Variants in CNTN1 observed in about 807,000 individuals in gnomAD.
The protein encoded by CNTN1 is contactin 1.
CNTN1 carries 38 observed loss-of-function variants against 126.4 expected under a neutral mutation model. The observed-to-expected ratio is 0.30, with a 90% CI of 0.23 to 0.39. The LOEUF (loss-of-function observed/expected upper bound fraction) is 0.39, where lower values mean the gene tolerates loss of function less well. Ranked by LOEUF, CNTN1 falls within the 10% of genes least tolerant of loss-of-function variation. The pLI, the probability that CNTN1 is intolerant of heterozygous loss-of-function variation, is 1.00. For missense variants in CNTN1, 1,009 were observed against 1,248.4 expected (o/e 0.81, Z 2.89); for synonymous variants, 413 against 422.6 (o/e 0.98, Z 0.28).
intron 1 of CNTN1, among the ~76,000 whole-genome samples, chr12:40,852,005 G>A (rs2136619064): frequency 6.6e-6 from 1 of 152,230 alleles, no homozygotes; most frequent in South Asian, 2.1e-4. Flanking sequence ...TGAAGGCTAG[G>A]TGGTCTCAAC....
chr12:40,919,456 G>A (rs1307948150), intron 4 of CNTN1, among the ~76,000 whole-genome samples: 4 of 152,154 alleles, frequency 2.6e-5, no homozygotes, highest in African/African-American at 9.7e-5. Flanking sequence ...TCAACCAAAT[G>A]CCAGTGGATT....
intron 23 of CNTN1, among the ~76,000 whole-genome samples, chr12:41,042,340 G>A (rs928490534): frequency 4.5e-4 from 69 of 152,144 alleles, no homozygotes; most frequent in Non-Finnish European, 8.1e-4. Context: ...TTCCAACTGT[G>A]TGGTCAATTT....
At position 40,778,771 on chromosome 12, in the gene CNTN1, A is replaced by T. The variant is rs533149637; in HGVS notation, c.-77+86179A>T. The stretch of plus-strand genomic sequence containing the variant: ...CTACATAGAAAATATTTCCTATAAG[A>T]AATTGGCTCTCAACGACTGATTGTT... On this transcript the variant is annotated intron_variant, in intron 1 of 23. Coordinates refer to ENST00000551295, the MANE Select transcript of CNTN1 (RefSeq NM_001843.4). Among the ~76,000 whole-genome samples, 146 of 151,972 alleles carry T rather than the reference A, an allele frequency of 9.6e-4. 1 individual carries two copies. The highest frequency in any genetic ancestry group is 1.7e-3 in the Non-Finnish European group (114 of 67,834).
At chr12:41,022,383 T>C (rs766148994) in intron 20 of CNTN1, among the ~76,000 whole-genome samples, 2 of 152,202 alleles carry the variant, frequency 1.3e-5, no homozygotes, top group South Asian at 2.1e-4. Flanking sequence ...TAAAAACTTA[T>C]GCACTTTGCT....
At chr12:41,016,600 CGT>C in intron 18 of CNTN1, 80 bp from the exon 19 acceptor site, 1 of 868,668 alleles carries the variant, frequency 1.2e-6, no homozygotes, top group South Asian at 1.4e-5. Flanking sequence ...AGCACGCCTC[CGT>C]GTGTGTCATT....
chr12:40,795,376 G>A (rs1415037192), intron 1 of CNTN1, among the ~76,000 whole-genome samples: 1 of 146,726 alleles, frequency 6.8e-6, no homozygotes, highest in Non-Finnish European at 1.5e-5. Context: ...GAGTGCAGTG[G>A]TGCGATTTTG....
At chr12:41,059,941 A>C (rs930325598) in intron 23 of CNTN1, among the ~76,000 whole-genome samples, 3 of 152,086 alleles carry the variant, frequency 2.0e-5, no homozygotes, top group Non-Finnish European at 4.4e-5. Flanking sequence ...TGAGAGGATC[A>C]CTTGAGCCTG....
chr12:41,042,218 G>T (rs2120957306), intron 23 of CNTN1, among the ~76,000 whole-genome samples: 1 of 152,200 alleles, frequency 6.6e-6, no homozygotes, highest in Non-Finnish European at 1.5e-5. Context: ...CCATGTAGTT[G>T]AGCAGTTTTG....
At chr12:40,788,596 C>G (rs1291785563) in intron 1 of CNTN1, among the ~76,000 whole-genome samples, 2 of 152,064 alleles carry the variant, frequency 1.3e-5, no homozygotes, top group Non-Finnish European at 2.9e-5. Flanking sequence ...GGATCCTTCT[C>G]CAACAACCCC....
At chr12:40,834,171 C>G (rs1019639294) in intron 1 of CNTN1, among the ~76,000 whole-genome samples, 1 of 152,152 alleles carries the variant, frequency 6.6e-6, no homozygotes, top group Admixed American at 6.5e-5. Context: ...ATATGTATCA[C>G]AAGATCGTAT....
intron 1 of CNTN1, among the ~76,000 whole-genome samples, chr12:40,725,995 G>T (rs1026587994): frequency 1.3e-5 from 2 of 151,768 alleles, no homozygotes; most frequent in African/African-American, 4.8e-5. Context: ...GAAGTCTTGA[G>T]TCAGCATTTG....
chr12:40,964,525 AGTGTGTGTGT>A (rs369450437), intron 15 of CNTN1, among the ~76,000 whole-genome samples: 2 of 104,822 alleles, frequency 1.9e-5, no homozygotes, highest in South Asian at 3.7e-4. Context: ...CGTGTAAGTG[AGTGTGTGTGT>A]GTGTGTGTGT....
chr12:40,831,936 CACA>C (rs772366637), intron 1 of CNTN1, among the ~76,000 whole-genome samples: 2 of 152,056 alleles, frequency 1.3e-5, no homozygotes, highest in Non-Finnish European at 2.9e-5. Context: ...AGGAATTATG[CACA>C]ACATTTTTTA....
intron 1 of CNTN1, among the ~76,000 whole-genome samples, chr12:40,723,545 C>T (rs1942273871): frequency 6.6e-6 from 1 of 152,122 alleles, no homozygotes; most frequent in Non-Finnish European, 1.5e-5. Context: ...ACTTTATTAT[C>T]CCTGATTTGT....
At position 40,930,149 on chromosome 12, in the gene CNTN1, G is replaced by C. The variant is rs975167072; in HGVS notation, c.703+147G>C. On this transcript the variant is annotated intron_variant, in intron 7 of 23. Transcript: ENST00000551295. The stretch of plus-strand genomic sequence containing the variant: ...GGGATGCATGTTGAAGGGGCCAAAG[G>C]CTTGGTCCTAAGCTTTTTGCGTTGA... 5 of 729,322 alleles carry C rather than the reference G, an allele frequency of 6.9e-6. No homozygotes were observed. The East Asian group carries it at 7.7e-5, about 11-fold the overall frequency. 45.2% of individuals were successfully genotyped at this position (729,322 alleles called of 1,614,324 possible).
At chr12:41,017,811 G>A (rs1948814675) in intron 19 of CNTN1, among the ~76,000 whole-genome samples, 1 of 151,854 alleles carries the variant, frequency 6.6e-6, no homozygotes. Flanking sequence ...TACCTTTCTG[G>A]CCTGGCATGG....
chr12:40,792,864 C>T (rs994013212), intron 1 of CNTN1, among the ~76,000 whole-genome samples: 6 of 151,984 alleles, frequency 3.9e-5, no homozygotes, highest in Admixed American at 1.3e-4. Context: ...ATATTTCACC[C>T]GAAAATATAT....
At chr12:40,830,832 T>TATATATAC (rs1555165566) in intron 1 of CNTN1, among the ~76,000 whole-genome samples, 136 of 88,620 alleles carry the variant, frequency 1.5e-3, no homozygotes, top group East Asian at 2.3e-3. Context: ...TATATATATA[T>TATATATAC]ATACTCTTTA....
chr12:40,791,551 A>G (rs1265353177), intron 1 of CNTN1, among the ~76,000 whole-genome samples: 1 of 152,180 alleles, frequency 6.6e-6, no homozygotes, highest in East Asian at 1.9e-4. Flanking sequence ...CCTAAGAAAT[A>G]CATGTAGACT....
Sources: gnomAD v4.1 joint callset for allele counts (sites outside exome capture counted in the v4.1 genomes callset) on GRCh38, gnomAD v4.1.1 for gene constraint, MANE v1.5 for transcripts, NCBI Gene and HGNC (gene_info 2026-07-23, HGNC 2026-07-21) for gene names.